Variants in DPYS observed in about 807,000 individuals in gnomAD.
DPYS encodes the protein dihydropyrimidinase.
DPYS carries 39 observed loss-of-function variants against 50.3 expected under a neutral mutation model. The observed-to-expected ratio is 0.78, with a 90% confidence interval of 0.60 to 1.01. The LOEUF (loss-of-function observed/expected upper bound fraction) is 1.01, where lower values mean the gene tolerates loss of function less well. Among genes scored for constraint, DPYS ranks in the 50% least tolerant of loss-of-function variants. DPYS has a pLI of 0.00. For missense variants in DPYS, 659 were observed against 680.9 expected, an observed-to-expected ratio of 0.97 and a Z score of 0.36; for synonymous variants, 245 against 250.7, an observed-to-expected ratio of 0.98 and a Z score of 0.22.
chr8:104,386,209 G>A (rs764435180), intron 8 of DPYS, among the ~76,000 whole-genome samples: 1 of 152,034 alleles, frequency 6.6e-6, no homozygotes, highest in Non-Finnish European at 1.5e-5. Flanking sequence ...CATGACCAAG[G>A]AAAAAGGAAG....
At chr8:104,418,261 C>T (rs987633195) in intron 7 of DPYS, among the ~76,000 whole-genome samples, 1 of 152,070 alleles carries the variant, frequency 6.6e-6, no homozygotes, top group Non-Finnish European at 1.5e-5. Context: ...CTGTTAGATA[C>T]TAACAAGACG....
intron 5 of DPYS, among the ~76,000 whole-genome samples, chr8:104,428,677 T>A (rs1812823487): frequency 6.6e-6 from 1 of 152,128 alleles, no homozygotes; most frequent in Non-Finnish European, 1.5e-5. Flanking sequence ...TTGTGAGTAA[T>A]CTTGGGGATG....
At position 104,466,779 on chromosome 8, in the gene DPYS, C is replaced by T; in HGVS notation, c.142G>A (p.Gly48Arg). The change falls in exon 1 of 10, where the codon GGG (glycine) becomes AGG (arginine). Residue 48 changes from glycine (G) to arginine (R), a missense_variant. By Grantham distance (125) the Gly-to-Arg change is moderately radical. Coordinates refer to ENST00000351513, the MANE Select transcript of DPYS (RefSeq NM_001385.3). ...DLLPPGGAPAGLRVLDAAGKL... is the reference protein window; with the variant it reads ...DLLPPGGAPARLRVLDAAGKL... ...CCGGCGGCGTCGAGGACCCGCAGCC[C>T]CGCAGGAGCGCCCCCGGGAGGCAGC... is the stretch of plus-strand genomic sequence containing the variant. 1 of 1,534,306 alleles carries T rather than the reference C, an allele frequency of 6.5e-7. No individual in the cohort carries two copies. The highest frequency in any genetic ancestry group is 8.7e-7 in the Non-Finnish European group (1 of 1,145,816).
At chr8:104,414,354 G>A (rs187313547) in intron 7 of DPYS, among the ~76,000 whole-genome samples, 57 of 152,284 alleles carry the variant, frequency 3.7e-4, no homozygotes, top group Admixed American at 2.9e-3. Context: ...TGGAGGGCTT[G>A]GGAAAACCTA....
chr8:104,389,059 A>T (rs756903276), intron 8 of DPYS, among the ~76,000 whole-genome samples: 2 of 152,222 alleles, frequency 1.3e-5, no homozygotes, highest in African/African-American at 2.4e-5. Context: ...GGCAAAAAAG[A>T]ATAAGATGCT....
chr8:104,460,811 C>T (rs1814127749), intron 1 of DPYS, among the ~76,000 whole-genome samples: 1 of 152,106 alleles, frequency 6.6e-6, no homozygotes, highest in Non-Finnish European at 1.5e-5. Flanking sequence ...AGTTTGTAAT[C>T]ATTAAACAGC....
chr8:104,400,312 C>T (rs141360562), intron 7 of DPYS, among the ~76,000 whole-genome samples: 39 of 152,256 alleles, frequency 2.6e-4, no homozygotes, highest in Middle Eastern at 6.8e-3. Context: ...GTTCAAAAGG[C>T]CTGAGACTCA....
At chr8:104,432,439 T>C (rs1187551868) in intron 4 of DPYS, among the ~76,000 whole-genome samples, 1 of 152,122 alleles carries the variant, frequency 6.6e-6, no homozygotes, top group African/African-American at 2.4e-5. Context: ...TGAGATCTGC[T>C]AGAGAAGGTT....
At chr8:104,416,658 A>T (rs1812379497) in intron 7 of DPYS, among the ~76,000 whole-genome samples, 1 of 150,644 alleles carries the variant, frequency 6.6e-6, no homozygotes, top group Middle Eastern at 3.4e-3. Context: ...TGTGCATGTG[A>T]GTGTGTGTGT....
rs145361770 is a variant in DPYS at position 104,462,075 on chromosome 8, T to C, written c.264+4582A>G. On this transcript the variant is annotated intron_variant, in intron 1 of 9. Transcript: ENST00000351513. ...AAAAGCAGTTGATTCATTTAACTAA[T>C]GCATATTGAGTGACTATAATGTGCC... Among the ~76,000 whole-genome samples, 107 of 152,356 alleles carry C rather than the reference T, an allele frequency of 7.0e-4. 3 individuals carry two copies. The East Asian group carries it at 0.017, about 24-fold the overall frequency.
chr8:104,429,753 C>T, intron 4 of DPYS, 52 bp from the exon 5 acceptor site: 5 of 1,606,310 alleles, frequency 3.1e-6, no homozygotes, highest in Non-Finnish European at 4.3e-6. Context: ...CTTAAGAGGA[C>T]CATATGACAA....
intron 7 of DPYS, among the ~76,000 whole-genome samples, chr8:104,409,403 T>C (rs910847861): frequency 1.8e-4 from 28 of 151,890 alleles, no homozygotes; most frequent in Non-Finnish European, 3.7e-4. Flanking sequence ...GACAATTGCT[T>C]GAACTAGGGA....
intron 8 of DPYS, among the ~76,000 whole-genome samples, chr8:104,391,398 C>G (rs943090018): frequency 5.3e-5 from 8 of 152,196 alleles, no homozygotes; most frequent in Non-Finnish European, 1.0e-4. Flanking sequence ...ATGTGTGAAG[C>G]CTTCTGGGTG....
intron 7 of DPYS, among the ~76,000 whole-genome samples, chr8:104,403,780 G>A (rs1431335886): frequency 1.3e-5 from 2 of 152,134 alleles, no homozygotes; most frequent in African/African-American, 2.4e-5. Context: ...AAGAGAGAAG[G>A]AAAGTCTACA....
intron 7 of DPYS, among the ~76,000 whole-genome samples, chr8:104,401,239 T>A (rs74415349): frequency 6.6e-6 from 1 of 151,782 alleles, no homozygotes; most frequent in African/African-American, 2.4e-5. Flanking sequence ...TGATGCCTTA[T>A]GTATTCAGTG....
Position 104,428,153 on chromosome 8 carries a change from T to C in DPYS, c.951-32A>G, listed in dbSNP as rs781077014. On this transcript the variant is annotated intron_variant, in intron 5 of 9. Transcript: ENST00000351513. ...AAGAAAAAACACGAGAGTGATGGGG[T>C]GAGTATACAGAATATGTTAGGAGGA... The C allele has an allele frequency of 1.2e-5, 20 of 1,613,936 alleles. No individual in the cohort carries two copies. In the East Asian group the frequency reaches 4.5e-4, roughly 36 times the overall value.
intron 1 of DPYS, among the ~76,000 whole-genome samples, chr8:104,463,577 T>C (rs1417866396): frequency 2.0e-5 from 3 of 152,198 alleles, no homozygotes; most frequent in Non-Finnish European, 4.4e-5. Flanking sequence ...TGTACAACCT[T>C]AGGCAGGTAG....
chr8:104,462,560 T>G (rs2140778215), intron 1 of DPYS, among the ~76,000 whole-genome samples: 1 of 152,346 alleles, frequency 6.6e-6, no homozygotes, highest in African/African-American at 2.4e-5. Context: ...GAAAAATGTG[T>G]TGCATGGTTT....
intron 6 of DPYS, among the ~76,000 whole-genome samples, chr8:104,425,069 A>AGT: frequency 6.6e-6 from 1 of 151,902 alleles, no homozygotes; most frequent in Non-Finnish European, 1.5e-5. Context: ...ACCTCAGGTG[A>AGT]TCCACCCTCC....
Sources: gnomAD v4.1 joint callset for allele counts (sites outside exome capture counted in the v4.1 genomes callset) on GRCh38, gnomAD v4.1.1 for gene constraint, MANE v1.5 for transcripts, NCBI Gene and HGNC (gene_info 2026-07-23, HGNC 2026-07-21) for gene names.